Variants in JMY observed in about 807,000 individuals in gnomAD.
JMY encodes junction-mediating and -regulatory protein.
A neutral mutation model predicts 103.3 loss-of-function variants in JMY; 46 were observed. The ratio of observed to expected loss-of-function variants is 0.45; its 90% CI spans 0.35 to 0.57. JMY has a LOEUF of 0.57. JMY is among the 20% of genes least tolerant of loss of function. The pLI is 0.00. For synonymous variants in JMY, 526 were observed against 489.3 expected (o/e 1.07, Z -0.99); for missense variants, 1,238 against 1,255.2 (o/e 0.99, Z 0.21).
intron 1 of JMY, among the ~76,000 whole-genome samples, chr5:79,248,453 C>G (rs1246253421): frequency 1.3e-5 from 2 of 151,244 alleles, no homozygotes; most frequent in Non-Finnish European, 1.5e-5. Context: ...GTTACAGGTG[C>G]GTGCTACCAC....
intron 2 of JMY, among the ~76,000 whole-genome samples, chr5:79,282,940 TG>T (rs1746162133): frequency 6.6e-6 from 1 of 151,098 alleles, no homozygotes; most frequent in Admixed American, 6.6e-5. Flanking sequence ...TTGTGTCTGT[TG>T]GGTTCTAATC....
chr5:79,279,296 T>C (rs1746041342), intron 2 of JMY, among the ~76,000 whole-genome samples: 1 of 152,168 alleles, frequency 6.6e-6, no homozygotes. Context: ...ATTGCACCAC[T>C]GCACTCCAGC....
Position 79,300,338 on chromosome 5 carries a change from A to G in JMY, c.1693+20A>G, listed in dbSNP as rs374425753. ...TATCAGGTATGGCGTGCATTTAACCACATAAGTTCACCAAAGATTGAATAC... is the reference window on the plus strand; with the variant it reads ...TATCAGGTATGGCGTGCATTTAACCGCATAAGTTCACCAAAGATTGAATAC... On this transcript the variant is annotated intron_variant, in intron 5 of 10. Transcript: ENST00000396137. 3.4e-6 allele frequency: 5 copies of G among 1,488,400 alleles called. No individual in the cohort carries two copies. Among genetic ancestry groups the G allele is most frequent in the African/African-American group, 2.9e-5 (2 of 69,172 alleles). The allele number at this position is 1,488,400 out of a possible 1,614,324, so 92.2% of individuals were successfully genotyped here.
chr5:79,257,536 C>T (rs962995709), intron 1 of JMY, among the ~76,000 whole-genome samples: 1 of 152,054 alleles, frequency 6.6e-6, no homozygotes, highest in African/African-American at 2.4e-5. Flanking sequence ...CCAGGAATGT[C>T]GAGGCTGCAG....
rs1419213788 is a variant in JMY at position 79,278,081 on chromosome 5, A to G, written c.1204A>G (p.Lys402Glu). ...ELAMLRRQQI[K>E]ISMENDYLGP... ...TGCCATGCTACGAAGACAGCAGATC[A>G]AGGTATTTTTTTATTAATCCTAACT... Residue 402 changes from lysine (K) to glutamate (E), a missense_variant and splice_region_variant, in exon 2 of 11, where the codon AAG becomes GAG. By Grantham distance (56) the Lys-to-Glu change is moderately conservative. Transcript: ENST00000396137. The G allele has an allele frequency of 1.9e-6, 3 of 1,607,716 alleles. No individual in the cohort carries two copies. Among genetic ancestry groups the G allele is most frequent in the East Asian group, 2.2e-5 (1 of 44,756 alleles).
Position 79,300,234 on chromosome 5 carries a change from T to C in JMY, c.1609T>C (p.Leu537=), listed in dbSNP as rs1275985492. The C allele has an allele frequency of 1.2e-6, 2 of 1,605,916 alleles. No homozygotes were observed. The highest frequency in any genetic ancestry group is 1.7e-6 in the Non-Finnish European group (2 of 1,176,086). The change falls in exon 5 of 11, where the codon TTG becomes CTG. Residue 537 remains leucine (L), a synonymous_variant. Transcript: ENST00000396137. ...EADYYDLQLQ[L]YEVQFEILKC... The stretch of plus-strand genomic sequence containing the variant: ...TGATTATTATGATCTGCAACTTCAG[T>C]TGTATGAAGTACAGTTTGAAATCTT...
chr5:79,305,158 G>C (rs1053282349), intron 6 of JMY, among the ~76,000 whole-genome samples: 1 of 152,092 alleles, frequency 6.6e-6, no homozygotes, highest in East Asian at 1.9e-4. Flanking sequence ...AATTGAAAGA[G>C]TGATCATTTT....
intron 1 of JMY, among the ~76,000 whole-genome samples, chr5:79,272,518 C>A (rs548074558): frequency 9.4e-4 from 142 of 151,066 alleles, no homozygotes; most frequent in African/African-American, 3.4e-3. Flanking sequence ...TTCCTGATTT[C>A]TTTTGGGTTA....
rs937643206 is a variant in JMY at position 79,260,197 on chromosome 5, T to C, written c.1033-17713T>C. Among the ~76,000 whole-genome samples the C allele has an allele frequency of 2.6e-5, 4 of 152,192 alleles. No individual in the cohort carries two copies. In the South Asian group the frequency reaches 8.3e-4, roughly 32 times the overall value. ...CCTTCAGCCAGGTGCTCACAGACCC[T>C]TGGGATGCGGTAGGAAGCAAGGTTG... On this transcript the variant is annotated intron_variant, in intron 1 of 10. Transcript: ENST00000396137.
At position 79,284,585 on chromosome 5, in the gene JMY, A is replaced by G. The variant is rs191630394; in HGVS notation, c.1207-5536A>G. 164 of 1,540,414 alleles carry G rather than the reference A, an allele frequency of 1.1e-4. No homozygotes were observed. The African/African-American group carries it at 1.7e-3, about 16-fold the overall frequency. ...AATCATTGTCTGCCATTTTTTGACC[A>G]TGGAACACATTTTGTCACAGGTAAG... is the stretch of plus-strand genomic sequence containing the variant. On this transcript the variant is annotated intron_variant, in intron 2 of 10. Transcript: ENST00000396137.
At position 79,314,018 on chromosome 5, in the gene JMY, C is replaced by A. The variant is rs545452070; in HGVS notation, c.2065-239C>A. ...GGACTACAGGTGCCTGCCACCACAC[C>A]CAGCTAATTTTTGTATTTTTAGTAG... On this transcript the variant is annotated intron_variant, in intron 8 of 10. Coordinates refer to ENST00000396137, the MANE Select transcript of JMY (RefSeq NM_152405.5). 8.5e-5 allele frequency among the ~76,000 whole-genome samples: 13 copies of A among 152,298 alleles called. No individual in the cohort carries two copies. In the East Asian group the frequency reaches 2.5e-3, roughly 29 times the overall value.
rs746596554 is a variant in JMY, at chr5:79,303,896, CAGTGACTG to C, written c.1882-2477_1882-2470del. On this transcript the variant is annotated intron_variant, in intron 6 of 10. Coordinates refer to ENST00000396137, the MANE Select transcript of JMY (RefSeq NM_152405.5). Reference sequence around the variant, plus strand: ...AAGGGAGTGCAGCAGAGGTTTAAAGCAGTGACTGACGGAATAGCAAAGGAAACTGTACA... The same window carrying C: ...AAGGGAGTGCAGCAGAGGTTTAAAGCACGGAATAGCAAAGGAAACTGTACA... Among the ~76,000 whole-genome samples, 8 of 152,016 alleles carry C rather than the reference CAGTGACTG, an allele frequency of 5.3e-5. No individual in the cohort carries two copies. The South Asian group carries it at 1.5e-3, about 28-fold the overall frequency.
chr5:79,242,100 AATTT>A (rs1744759009), intron 1 of JMY, among the ~76,000 whole-genome samples: 1 of 152,180 alleles, frequency 6.6e-6, no homozygotes, highest in South Asian at 2.1e-4. Flanking sequence ...TTCATTTTGG[AATTT>A]ATTATGTTTA....
intron 1 of JMY, among the ~76,000 whole-genome samples, chr5:79,256,010 C>G (rs561206605): frequency 6.6e-6 from 1 of 152,268 alleles, no homozygotes; most frequent in African/African-American, 2.4e-5. Flanking sequence ...AGGCCTGTGC[C>G]CTTCCCTTCA....
chr5:79,243,681 A>C (rs1488404716), intron 1 of JMY, among the ~76,000 whole-genome samples: 1 of 152,212 alleles, frequency 6.6e-6, no homozygotes, highest in Non-Finnish European at 1.5e-5. Context: ...AGAATAATGA[A>C]ACTAAGTGAA....
intron 1 of JMY, among the ~76,000 whole-genome samples, chr5:79,241,852 A>C (rs989630135): frequency 1.4e-4 from 21 of 152,318 alleles, no homozygotes; most frequent in Middle Eastern, 6.8e-3. Flanking sequence ...AAATGAATGC[A>C]GGTGCCACCA....
At chr5:79,318,779 G>T (rs866839212) in intron 10 of JMY, among the ~76,000 whole-genome samples, 18 of 38,776 alleles carry the variant, frequency 4.6e-4, no homozygotes, top group Non-Finnish European at 7.6e-4. Context: ...GAGAGAGAGA[G>T]AGAGAGAGAG....
At position 79,326,416 on chromosome 5, in the gene JMY, A is replaced by G. The variant is rs1315042570; in HGVS notation, c.*4814A>G. ...GTAACAAATTATTCCAGCTTTTCCC[A>G]ATACTAATTATATTGGTTTTAAAAA... On this transcript the variant is annotated 3_prime_UTR_variant, in exon 11 of 11. Coordinates refer to ENST00000396137, the MANE Select transcript of JMY (RefSeq NM_152405.5). 1 of 152,038 alleles carries G rather than the reference A, an allele frequency of 6.6e-6. No homozygotes were observed. The highest frequency in any genetic ancestry group is 1.5e-5 in the Non-Finnish European group (1 of 67,976). The allele number at this position is 152,038 out of a possible 1,614,324, so 9.4% of individuals were successfully genotyped here.
At chr5:79,262,852 A>G (rs1745466686) in intron 1 of JMY, among the ~76,000 whole-genome samples, 1 of 152,236 alleles carries the variant, frequency 6.6e-6, no homozygotes, top group African/African-American at 2.4e-5. Flanking sequence ...TGGATAGAGT[A>G]ACTGATATTC....
Sources: allele counts gnomAD v4.1 joint callset (sites outside exome capture counted in the v4.1 genomes callset), GRCh38; gene constraint gnomAD v4.1.1; transcripts MANE v1.5; gene names NCBI Gene and HGNC (gene_info 2026-07-23, HGNC 2026-07-21).